RASSF5: variants seen among roughly 807,000 people sequenced by gnomAD.
RASSF5 encodes ras association domain-containing protein 5.
In RASSF5, 25 loss-of-function variants were observed where a neutral mutation model predicts 40.5. The observed-to-expected ratio is 0.62, with a 90% confidence interval of 0.45 to 0.86. RASSF5 has a LOEUF of 0.86. Among genes scored for constraint, RASSF5 ranks in the 40% least tolerant of loss-of-function variants. RASSF5 has a pLI of 0.00. For synonymous variants in RASSF5, 246 were observed against 252.4 expected, an observed-to-expected ratio of 0.97 and a Z score of 0.24; for missense variants, 521 against 572.8, an observed-to-expected ratio of 0.91 and a Z score of 0.92.
At chr1:206,554,732 T>A (rs1442620643) in intron 2 of RASSF5, among the ~76,000 whole-genome samples, 1 of 152,232 alleles carries the variant, frequency 6.6e-6, no homozygotes, top group East Asian at 1.9e-4. Flanking sequence ...GGCCATTAGA[T>A]GCTTCAGGGA....
chr1:206,564,215 G>T (rs782675410), intron 2 of RASSF5, among the ~76,000 whole-genome samples: 18 of 152,086 alleles, frequency 1.2e-4, no homozygotes, highest in Non-Finnish European at 2.4e-4. Context: ...GATATTGGCT[G>T]CCAAGTTCTC....
intron 1 of RASSF5, among the ~76,000 whole-genome samples, chr1:206,528,736 A>G (rs561494440): frequency 1.3e-5 from 2 of 152,238 alleles, no homozygotes; most frequent in South Asian, 2.1e-4. Context: ...AAAAAAGTCT[A>G]TTTTAAAAAA....
chr1:206,572,183 T>G (rs1668474709), intron 2 of RASSF5, among the ~76,000 whole-genome samples: 1 of 146,472 alleles, frequency 6.8e-6, no homozygotes, highest in Non-Finnish European at 1.5e-5. Flanking sequence ...TTAGGGTGCA[T>G]GCGTGTTACT....
At chr1:206,532,102 A>AT (rs1232920171) in intron 1 of RASSF5, among the ~76,000 whole-genome samples, 1 of 152,154 alleles carries the variant, frequency 6.6e-6, no homozygotes, top group Non-Finnish European at 1.5e-5. Context: ...AATGCATATT[A>AT]TTTTTTCAGA....
chr1:206,539,483 C>A (rs115518704), intron 2 of RASSF5, among the ~76,000 whole-genome samples: 1 of 152,232 alleles, frequency 6.6e-6, no homozygotes, highest in East Asian at 1.9e-4. Flanking sequence ...TGTTACCAGC[C>A]TCCCAGCTGT....
chr1:206,527,549 G>A (rs1372626160), intron 1 of RASSF5, among the ~76,000 whole-genome samples: 1 of 152,140 alleles, frequency 6.6e-6, no homozygotes, highest in Non-Finnish European at 1.5e-5. Flanking sequence ...TTCAGAGCAG[G>A]CAGACAGTAT....
At chr1:206,538,126 G>A in intron 1 of RASSF5, 46 bp from the exon 2 acceptor site, 1 of 1,612,274 alleles carries the variant, frequency 6.2e-7, no homozygotes, top group Non-Finnish European at 8.5e-7. Context: ...AAAGTGGGGA[G>A]GAATCCTGCC....
At chr1:206,557,349 A>C (rs754417742) in intron 2 of RASSF5, 2 of 1,307,356 alleles carry the variant, frequency 1.5e-6, no homozygotes, top group Non-Finnish European at 9.7e-7. Context: ...GCGCGGGGAC[A>C]GGAGCAGGTT....
Position 206,552,246 on chromosome 1 carries a change from G to A in RASSF5, c.579+13953G>A, listed in dbSNP as rs1043745005. 6.6e-6 allele frequency among the ~76,000 whole-genome samples: 1 copy of A among 152,198 alleles called. No homozygotes were observed. Among genetic ancestry groups the A allele is most frequent in the Non-Finnish European group, 1.5e-5 (1 of 68,032 alleles). ...GACACCGAGCTCTCTGCTGTACACA[G>A]CCATTGAATGCTGAAAATTGCTACC... On this transcript the variant is annotated intron_variant, in intron 2 of 5. Coordinates refer to ENST00000579436, the MANE Select transcript of RASSF5 (RefSeq NM_182663.4). The surrounding 1 kb of genome is among the most constrained non-coding windows in gnomAD (Gnocchi z 4.1).
At chr1:206,533,622 G>T (rs2103519411) in intron 1 of RASSF5, among the ~76,000 whole-genome samples, 1 of 152,162 alleles carries the variant, frequency 6.6e-6, no homozygotes, top group Non-Finnish European at 1.5e-5. Context: ...GGGCATGGTG[G>T]CACACACCTG....
At chr1:206,536,486 C>T (rs1249560822) in intron 1 of RASSF5, among the ~76,000 whole-genome samples, 1 of 151,842 alleles carries the variant, frequency 6.6e-6, no homozygotes, top group Non-Finnish European at 1.5e-5. Flanking sequence ...TGGCAAAACC[C>T]GTGCAAGAAA....
intron 1 of RASSF5, 27 bp from the exon 2 acceptor site, chr1:206,538,145 A>G (rs782074880): frequency 1.1e-5 from 18 of 1,613,900 alleles, no homozygotes; most frequent in Non-Finnish European, 1.4e-5. Flanking sequence ...CCTGTCCTCT[A>G]ATCTCCCTTT....
intron 2 of RASSF5, among the ~76,000 whole-genome samples, chr1:206,581,636 GGAGA>G (rs1241313149): frequency 1.3e-5 from 2 of 150,634 alleles, no homozygotes; most frequent in African/African-American, 2.4e-5. Flanking sequence ...GAGAGAGGGG[GGAGA>G]GAGAGAGAGA....
intron 1 of RASSF5, among the ~76,000 whole-genome samples, chr1:206,516,321 G>A (rs1404650504): frequency 6.6e-6 from 1 of 152,198 alleles, no homozygotes; most frequent in Non-Finnish European, 1.5e-5. Flanking sequence ...TCCAGACTCT[G>A]CCAGTTCTTT....
At chr1:206,508,350 A>ACG (rs1220545829) in intron 1 of RASSF5, among the ~76,000 whole-genome samples, 4 of 151,244 alleles carry the variant, frequency 2.6e-5, no homozygotes, top group Non-Finnish European at 5.9e-5. Context: ...ACACACACAC[A>ACG]CACACTCGCA....
At chr1:206,521,382 G>C (rs1409426221) in intron 1 of RASSF5, among the ~76,000 whole-genome samples, 1 of 152,204 alleles carries the variant, frequency 6.6e-6, no homozygotes, top group African/African-American at 2.4e-5. Context: ...CATCAAAGCA[G>C]GTGTGGAAAA....
At chr1:206,537,807 T>G (rs77231402) in intron 1 of RASSF5, among the ~76,000 whole-genome samples, 2,350 of 152,254 alleles carry the variant, frequency 0.015, 64 homozygotes, top group African/African-American at 0.054. Context: ...TTATGGGTGC[T>G]GGTGATTAAT....
At chr1:206,558,235 TC>T (rs1668043393) in intron 2 of RASSF5, among the ~76,000 whole-genome samples, 1 of 152,230 alleles carries the variant, frequency 6.6e-6, no homozygotes, top group Non-Finnish European at 1.5e-5. Flanking sequence ...TAGGCTGCTG[TC>T]ATGCTACCAC....
chr1:206,546,401 G>A (rs1337870421), intron 2 of RASSF5, among the ~76,000 whole-genome samples: 3 of 151,950 alleles, frequency 2.0e-5, no homozygotes, highest in African/African-American at 4.8e-5. Context: ...ATGAGCTACC[G>A]CACCCGGCCA....
Sources: allele counts gnomAD v4.1 joint callset (sites outside exome capture counted in the v4.1 genomes callset), GRCh38; gene constraint gnomAD v4.1.1; non-coding constraint Gnocchi (gnomAD v3.1); transcripts MANE v1.5; gene names NCBI Gene and HGNC (gene_info 2026-07-23, HGNC 2026-07-21).